The following GRM1 variants were observed in gnomAD, a reference collection of about 807,000 sequenced individuals.
The protein encoded by GRM1 is metabotropic glutamate receptor 1.
A neutral mutation model predicts 90.9 loss-of-function variants in GRM1; 33 were observed. The observed-to-expected ratio is 0.36, with a 90% CI of 0.28 to 0.49. The LOEUF (loss-of-function observed/expected upper bound fraction) is 0.49. Ranked by LOEUF, GRM1 falls within the 20% of genes least tolerant of loss-of-function variation. The pLI is 0.99. For synonymous variants in GRM1, 700 were observed against 613.2 expected (o/e 1.14, Z -2.09); for missense variants, 1,190 against 1,534.3 (o/e 0.78, Z 3.75).
At chr6:146,239,204 C>T (rs1780761767) in intron 2 of GRM1, among the ~76,000 whole-genome samples, 1 of 152,108 alleles carries the variant, frequency 6.6e-6, no homozygotes, top group Non-Finnish European at 1.5e-5. Flanking sequence ...GCCAAGCAAC[C>T]TGAATTCACA....
intron 1 of GRM1, among the ~76,000 whole-genome samples, chr6:146,040,283 G>T (rs140419371): frequency 2.0e-5 from 3 of 151,930 alleles, no homozygotes; most frequent in Non-Finnish European, 4.4e-5. Context: ...TACTAGTAGC[G>T]ATACATGAGA....
chr6:146,028,431 T>A (rs117599709), upstream of GRM1, among the ~76,000 whole-genome samples: 606 of 152,076 alleles, frequency 4.0e-3, 17 homozygotes, highest in East Asian at 0.071. Context: ...GGGCTCAGGC[T>A]GCCGCGGCGA....
chr6:146,066,762 CAGGCAG>C (rs1250029263), intron 1 of GRM1, among the ~76,000 whole-genome samples: 51 of 117,220 alleles, frequency 4.4e-4, no homozygotes, highest in African/African-American at 7.3e-4. Flanking sequence ...AATAGACAGA[CAGGCAG>C]AGAGAGAGAG....
At chr6:146,375,301 A>C (rs1406357242) in intron 5 of GRM1, among the ~76,000 whole-genome samples, 3 of 152,040 alleles carry the variant, frequency 2.0e-5, no homozygotes, top group African/African-American at 4.8e-5. Context: ...TGTATGATCT[A>C]TCCTTGATAA....
At chr6:146,126,329 A>C (rs1776198333) in intron 1 of GRM1, among the ~76,000 whole-genome samples, 1 of 152,076 alleles carries the variant, frequency 6.6e-6, no homozygotes, top group African/African-American at 2.4e-5. Context: ...AGCAACCATA[A>C]CCTCATCACC....
At chr6:146,332,502 G>A (rs937271477) in intron 3 of GRM1, among the ~76,000 whole-genome samples, 9 of 152,268 alleles carry the variant, frequency 5.9e-5, no homozygotes, top group East Asian at 1.9e-4. Flanking sequence ...AACAATGGAC[G>A]CAGTCCCTCC....
intron 3 of GRM1, among the ~76,000 whole-genome samples, chr6:146,322,356 C>A (rs1490597148): frequency 6.6e-6 from 1 of 152,156 alleles, no homozygotes; most frequent in African/African-American, 2.4e-5. Flanking sequence ...GTCTCCCAGT[C>A]AGGAGGCATG....
intron 3 of GRM1, among the ~76,000 whole-genome samples, chr6:146,312,766 C>T (rs1783821205): frequency 6.6e-6 from 1 of 152,200 alleles, no homozygotes; most frequent in Non-Finnish European, 1.5e-5. Context: ...GACTGATCAA[C>T]TTGTTGAATA....
intron 2 of GRM1, among the ~76,000 whole-genome samples, chr6:146,231,665 T>C (rs1460647200): frequency 6.6e-6 from 1 of 152,138 alleles, no homozygotes; most frequent in Non-Finnish European, 1.5e-5. Flanking sequence ...ACGGAAATCA[T>C]CATATCTTTG....
At chr6:146,170,809 T>G (rs775534552) in intron 2 of GRM1, among the ~76,000 whole-genome samples, 25 of 152,144 alleles carry the variant, frequency 1.6e-4, no homozygotes, top group Non-Finnish European at 3.2e-4. Context: ...GCTTTTTTTT[T>G]GCATGTATGT....
rs1010707788 is a variant in GRM1, at chr6:146,342,455, G to T, written c.1187-9795G>T. On this transcript the variant is annotated intron_variant, in intron 3 of 7. Transcript: ENST00000282753. ...CTTGCTGAGTGTAATGTTACTCTGG[G>T]ACAGTAACTAAGCAAGAGACAGAAG... 2.0e-5 allele frequency among the ~76,000 whole-genome samples: 3 copies of T among 152,132 alleles called. No homozygotes were observed. The East Asian group carries it at 5.8e-4, about 29-fold the overall frequency.
chr6:146,307,668 C>T (rs941342455), intron 3 of GRM1, among the ~76,000 whole-genome samples: 1 of 152,158 alleles, frequency 6.6e-6, no homozygotes, highest in East Asian at 1.9e-4. Context: ...GGAGAATTAA[C>T]CTTTCCATAC....
intron 2 of GRM1, among the ~76,000 whole-genome samples, chr6:146,227,002 A>G (rs1331019568): frequency 2.6e-5 from 4 of 152,160 alleles, no homozygotes; most frequent in African/African-American, 9.7e-5. Flanking sequence ...ATATACAAAT[A>G]ATCCTCCAGA....
intron 5 of GRM1, among the ~76,000 whole-genome samples, chr6:146,375,797 T>A (rs1776078429): frequency 6.6e-6 from 1 of 152,098 alleles, no homozygotes; most frequent in Admixed American, 6.5e-5. Context: ...TGAAGTGTGT[T>A]TTTTGTAGGC....
rs532293165 is a variant in GRM1, at chr6:146,426,999, C to CT, written c.2661-6866dup. On this transcript the variant is annotated intron_variant, in intron 7 of 7. Transcript: ENST00000282753. ...CAAACAGAGCTCTTTCTTTTCTTTT[C>CT]TTTTTTTGCCTTTTTGCGGTTGCAC... Among the ~76,000 whole-genome samples the CT allele has an allele frequency of 2.1e-4, 32 of 151,804 alleles. No individual in the cohort carries two copies. The Middle Eastern group carries it at 0.014, about 65-fold the overall frequency.
intron 3 of GRM1, among the ~76,000 whole-genome samples, chr6:146,338,009 A>G (rs1562620068): frequency 6.6e-6 from 1 of 152,154 alleles, no homozygotes; most frequent in Admixed American, 6.5e-5. Flanking sequence ...CCTGGGGGGA[A>G]ATTTTCCAAT....
At chr6:146,303,811 T>G (rs1460335704) in intron 2 of GRM1, among the ~76,000 whole-genome samples, 2 of 152,176 alleles carry the variant, frequency 1.3e-5, no homozygotes, top group Non-Finnish European at 2.9e-5. Flanking sequence ...CTTTGCATGT[T>G]TAGCTTTGTC....
chr6:146,428,803 C>A (rs1778305908), intron 7 of GRM1, among the ~76,000 whole-genome samples: 1 of 152,172 alleles, frequency 6.6e-6, no homozygotes, highest in African/African-American at 2.4e-5. Flanking sequence ...AAAGACCATT[C>A]AAACTGTACT....
At chr6:146,148,565 T>C (rs1189780907) in intron 1 of GRM1, among the ~76,000 whole-genome samples, 1 of 152,152 alleles carries the variant, frequency 6.6e-6, no homozygotes, top group Admixed American at 6.5e-5. Flanking sequence ...TGGACACAAA[T>C]TGTTTTCTGT....
Sources: gnomAD v4.1 joint callset for allele counts (sites outside exome capture counted in the v4.1 genomes callset) on GRCh38, gnomAD v4.1.1 for gene constraint, MANE v1.5 for transcripts, NCBI Gene and HGNC (gene_info 2026-07-23, HGNC 2026-07-21) for gene names.